Variants in MYO16 observed in about 807,000 individuals in gnomAD.
The protein encoded by MYO16 is myosin XVI.
Under a neutral mutation model 205.3 loss-of-function variants are expected in MYO16, and 94 were observed. The observed-to-expected ratio is 0.46, with a 90% CI of 0.39 to 0.54. The LOEUF is 0.54. Ranked by LOEUF, MYO16 falls within the 20% of genes least tolerant of loss-of-function variation. MYO16 has a pLI of 0.00. For missense variants in MYO16, 2,315 were observed against 2,387.5 expected (o/e 0.97, Z 0.63); for synonymous variants, 988 against 954.0 (o/e 1.04, Z -0.66).
At chr13:108,926,180 T>C (rs558719185) in intron 16 of MYO16, among the ~76,000 whole-genome samples, 3 of 152,338 alleles carry the variant, frequency 2.0e-5, no homozygotes, top group African/African-American at 4.8e-5. Flanking sequence ...TTTCAGCGTG[T>C]GTACTGACCA....
intron 22 of MYO16, among the ~76,000 whole-genome samples, chr13:109,011,680 A>G (rs889015683): frequency 1.3e-5 from 2 of 151,432 alleles, no homozygotes; most frequent in Non-Finnish European, 2.9e-5. Flanking sequence ...ACACCTGGCT[A>G]ATTTTTGTAG....
chr13:108,564,014 T>C, the MYO16 span, among the ~76,000 whole-genome samples: 12 of 152,320 alleles, frequency 7.9e-5, no homozygotes, highest in African/African-American at 2.9e-4. Flanking sequence ...TGTTATTACC[T>C]GTCTTTTGGA....
chr13:109,009,130 G>A (rs988094857), intron 22 of MYO16, 81 bp downstream of exon 22: 25 of 1,201,128 alleles, frequency 2.1e-5, no homozygotes, highest in East Asian at 1.6e-4. Context: ...CTTTCAGGAC[G>A]CCTTATTTTT....
chr13:108,886,546 C>A (rs1230409188), intron 13 of MYO16: 3 of 454,508 alleles, frequency 6.6e-6, no homozygotes, highest in Non-Finnish European at 1.3e-5. Flanking sequence ...GCCCCCTTCT[C>A]AGTTGAATAC....
the MYO16 span, among the ~76,000 whole-genome samples, chr13:108,586,214 T>C: frequency 6.6e-6 from 1 of 152,058 alleles, no homozygotes; most frequent in African/African-American, 2.4e-5. Flanking sequence ...TAACTTAAAA[T>C]AAATGAATAC....
intron 9 of MYO16, among the ~76,000 whole-genome samples, chr13:108,830,591 C>T (rs960760722): frequency 1.3e-4 from 17 of 131,302 alleles, no homozygotes; most frequent in African/African-American, 4.8e-4. Flanking sequence ...AGGGGAACAT[C>T]ACAGTCTGGG....
chr13:108,820,385 G>C lies in MYO16; in HGVS notation c.916G>C (p.Val306Leu). The C allele has an allele frequency of 6.2e-7, 1 of 1,606,730 alleles. No individual in the cohort carries two copies. The highest frequency in any genetic ancestry group is 8.5e-7 in the Non-Finnish European group (1 of 1,176,294). Residue 306 changes from valine (V) to leucine (L), a missense_variant, in exon 8 of 35, where the codon GTG becomes CTG. Val to Leu is a conservative substitution (Grantham distance 32). Around this residue, in one of 3 missense-constraint regions of MYO16, gnomAD observed 1,213 missense variants for 1,274.4 expected, o/e 0.95. Transcript: ENST00000457511. Reference protein sequence around the residue: ...LLMHQANPHLVNCNEEKASDI... With the variant: ...LLMHQANPHLLNCNEEKASDI... The stretch of plus-strand genomic sequence containing the variant: ...GATGCATCAGGCAAACCCACACCTC[G>C]TGAACTGTAATGAGGAGAAGGCGTC...
intron 2 of MYO16, among the ~76,000 whole-genome samples, chr13:108,699,369 T>C (rs919245656): frequency 3.3e-5 from 5 of 152,164 alleles, no homozygotes; most frequent in Non-Finnish European, 7.3e-5. Context: ...TCCAGATTAG[T>C]AGTTATGTCA....
intron 12 of MYO16, among the ~76,000 whole-genome samples, 160 bp from the exon 13 acceptor site, chr13:108,882,899 G>A (rs1189711586): frequency 1.3e-5 from 2 of 152,236 alleles, no homozygotes; most frequent in African/African-American, 4.8e-5. Context: ...AATGTGCTGA[G>A]AAGGGTGTAA....
chr13:109,002,179 A>G lies in MYO16; in HGVS notation c.2443-6718A>G, dbSNP rs969180778. On this transcript the variant is annotated intron_variant, in intron 21 of 34. Coordinates refer to ENST00000457511, the MANE Select transcript of MYO16 (RefSeq NM_001198950.3). Reference sequence around the variant, plus strand: ...TTAGCCTTTCTTAAAAAACTCCTCAATTAATTCCAATGTGCAGATAGGCTT... The same window carrying G: ...TTAGCCTTTCTTAAAAAACTCCTCAGTTAATTCCAATGTGCAGATAGGCTT... 4.6e-5 allele frequency among the ~76,000 whole-genome samples: 7 copies of G among 152,150 alleles called. No individual in the cohort carries two copies. In the East Asian group the frequency reaches 1.3e-3, roughly 29 times the overall value.
intron 34 of MYO16, among the ~76,000 whole-genome samples, chr13:109,192,576 G>T (rs1879968076): frequency 6.6e-6 from 1 of 152,078 alleles, no homozygotes; most frequent in Admixed American, 6.5e-5. Flanking sequence ...TGTGGTTAGG[G>T]GTAGTCATCT....
chr13:108,882,636 A>G (rs1251558445), intron 12 of MYO16, among the ~76,000 whole-genome samples: 1 of 152,220 alleles, frequency 6.6e-6, no homozygotes, highest in Non-Finnish European at 1.5e-5. Flanking sequence ...GTAAACTTAT[A>G]TGCATTTCAG....
At chr13:108,910,832 T>C (rs1028507010) in intron 16 of MYO16, among the ~76,000 whole-genome samples, 3 of 151,990 alleles carry the variant, frequency 2.0e-5, no homozygotes, top group African/African-American at 2.4e-5. Context: ...CAAGAGAGAA[T>C]TGGATTCTGA....
chr13:108,540,187 A>G, the MYO16 span, among the ~76,000 whole-genome samples: 3 of 152,136 alleles, frequency 2.0e-5, no homozygotes, highest in East Asian at 5.8e-4. Context: ...AATGAAGGAC[A>G]CTGGTAGGAA....
chr13:108,673,444 C>T lies in MYO16; in HGVS notation c.292+7295C>T, dbSNP rs184611963. 6.6e-5 allele frequency among the ~76,000 whole-genome samples: 10 copies of T among 151,796 alleles called. No individual in the cohort carries two copies. In the East Asian group the frequency reaches 1.4e-3, roughly 21 times the overall value. On this transcript the variant is annotated intron_variant, in intron 2 of 34. Coordinates refer to ENST00000457511, the MANE Select transcript of MYO16 (RefSeq NM_001198950.3). Reference sequence around the variant, plus strand: ...TGTTTACTAAGGGCCTGTTTCAGTCCAGTCACACAAAGAACTTGTAAGCAT... The same window carrying T: ...TGTTTACTAAGGGCCTGTTTCAGTCTAGTCACACAAAGAACTTGTAAGCAT...
intron 12 of MYO16, among the ~76,000 whole-genome samples, chr13:108,881,884 C>G (rs1879635736): frequency 1.3e-5 from 2 of 152,154 alleles, no homozygotes; most frequent in South Asian, 4.1e-4. Flanking sequence ...AGGATATTAT[C>G]CAGGAGAACT....
At chr13:109,176,270 AT>A (rs1325539630) in intron 33 of MYO16, among the ~76,000 whole-genome samples, 1 of 120,274 alleles carries the variant, frequency 8.3e-6, no homozygotes, top group Non-Finnish European at 1.7e-5. Context: ...ATATTTTCAT[AT>A]TTTTTCTCCT....
chr13:109,051,197 G>T (rs1887235331), intron 24 of MYO16, among the ~76,000 whole-genome samples: 2 of 152,078 alleles, frequency 1.3e-5, no homozygotes, highest in Admixed American at 1.3e-4. Context: ...CTTTTGCATT[G>T]CATAATTGTA....
chr13:108,695,379 T>C (rs974341539), intron 2 of MYO16, among the ~76,000 whole-genome samples: 1 of 152,178 alleles, frequency 6.6e-6, no homozygotes, highest in Admixed American at 6.5e-5. Context: ...ATTTCATTGG[T>C]CTATAGGTTT....
Sources: gnomAD v4.1 joint callset for allele counts (sites outside exome capture counted in the v4.1 genomes callset) on GRCh38, gnomAD v4.1.1 for gene constraint, gnomAD v4.1.1 regional missense constraint, MANE v1.5 for transcripts, NCBI Gene and HGNC (gene_info 2026-07-23, HGNC 2026-07-21) for gene names.